GRM4: variants seen among roughly 807,000 people sequenced by gnomAD.
GRM4 encodes the protein metabotropic glutamate receptor 4.
GRM4 carries 28 observed loss-of-function variants against 81.7 expected under a neutral mutation model. The ratio of observed to expected loss-of-function variants is 0.34; its 90% confidence interval spans 0.25 to 0.47. The LOEUF (loss-of-function observed/expected upper bound fraction) is 0.47, where lower values mean the gene tolerates loss of function less well. GRM4 is among the 20% of genes least tolerant of loss of function. GRM4 has a pLI of 1.00. For missense variants in GRM4, 948 were observed against 1,290.0 expected, an observed-to-expected ratio of 0.73 and a Z score of 4.06; for synonymous variants, 488 against 528.8, an observed-to-expected ratio of 0.92 and a Z score of 1.06.
At chr6:34,031,502 G>A (rs2127439006) in intron 9 of GRM4, among the ~76,000 whole-genome samples, 1 of 152,306 alleles carries the variant, frequency 6.6e-6, no homozygotes, top group East Asian at 1.9e-4. Flanking sequence ...AGGGGCCCCA[G>A]TGGGGGCACC....
At chr6:34,077,347 AGCGTCCCTGGG>A (rs1178488640) in intron 3 of GRM4, among the ~76,000 whole-genome samples, 4 of 152,100 alleles carry the variant, frequency 2.6e-5, no homozygotes, top group African/African-American at 9.7e-5. Context: ...CAGATAGCTC[AGCGTCCCTGGG>A]GCAGGTCCAG....
chr6:34,052,744 C>T (rs1581622372), intron 6 of GRM4, among the ~76,000 whole-genome samples: 1 of 152,212 alleles, frequency 6.6e-6, no homozygotes, highest in East Asian at 1.9e-4. Context: ...GAGAGAGGGG[C>T]CCTGGAGGAG....
chr6:34,120,979 T>A (rs1298007694), intron 2 of GRM4, among the ~76,000 whole-genome samples: 3 of 152,224 alleles, frequency 2.0e-5, no homozygotes, highest in African/African-American at 7.2e-5. Flanking sequence ...GGCTAATTCA[T>A]TATATTATCC....
chr6:34,049,450 G>C (rs897960253), intron 6 of GRM4, among the ~76,000 whole-genome samples: 1 of 151,896 alleles, frequency 6.6e-6, no homozygotes, highest in Non-Finnish European at 1.5e-5. Flanking sequence ...GGGCTCACTG[G>C]GACCTCTTCT....
At position 34,092,424 on chromosome 6, in the gene GRM4, C is replaced by G. The variant is rs917950192; in HGVS notation, c.520-325G>C. 6.6e-6 allele frequency among the ~76,000 whole-genome samples: 1 copy of G among 152,144 alleles called. No individual in the cohort carries two copies. On this transcript the variant is annotated intron_variant, in intron 2 of 10. Transcript: ENST00000538487. The surrounding 1 kb of genome is among the most constrained non-coding windows in gnomAD (Gnocchi z 6.8). ...CCAGCCCAGGGAAAATCCCCACATA[C>G]GTGAGATGATTCAGCCTGGGGATGG... is the stretch of plus-strand genomic sequence containing the variant.
intron 2 of GRM4, among the ~76,000 whole-genome samples, chr6:34,099,830 G>A (rs1002435041): frequency 2.6e-5 from 4 of 152,124 alleles, no homozygotes; most frequent in East Asian, 1.9e-4. Flanking sequence ...GCCCCAGATC[G>A]GGAGACTGTC....
At chr6:34,146,466 G>A (rs2127520277), upstream of GRM4, among the ~76,000 whole-genome samples, 1 of 152,252 alleles carries the variant, frequency 6.6e-6, no homozygotes, top group African/African-American at 2.4e-5. Context: ...AAGCCAGCTC[G>A]CCCCCTTCCC....
upstream of GRM4, among the ~76,000 whole-genome samples, chr6:34,150,519 G>A (rs902288079): frequency 2.0e-5 from 3 of 152,006 alleles, no homozygotes; most frequent in Non-Finnish European, 1.5e-5. Context: ...TGTGAGTGGG[G>A]TGGGTGAAGG....
chr6:34,085,276 C>T (rs1218444868), intron 3 of GRM4, among the ~76,000 whole-genome samples: 2 of 152,206 alleles, frequency 1.3e-5, no homozygotes, highest in Admixed American at 6.5e-5. Context: ...TCCTGTCCCC[C>T]AGGGCAGCAG....
intron 2 of GRM4, among the ~76,000 whole-genome samples, chr6:34,109,678 C>T (rs1212876614): frequency 6.6e-6 from 1 of 152,144 alleles, no homozygotes; most frequent in East Asian, 1.9e-4. Flanking sequence ...CTGTGGAGGG[C>T]AGGATTACCC....
At position 34,080,963 on chromosome 6, in the gene GRM4, C is replaced by T. The variant is rs576994270; in HGVS notation, c.736+10920G>A. 1.1e-4 allele frequency among the ~76,000 whole-genome samples: 16 copies of T among 152,274 alleles called. No individual in the cohort carries two copies. Among genetic ancestry groups the T allele is most frequent in the Admixed American group, 2.6e-4 (4 of 15,300 alleles). On this transcript the variant is annotated intron_variant, in intron 3 of 10. Coordinates refer to ENST00000538487, the MANE Select transcript of GRM4 (RefSeq NM_000841.4). This position sits in a 1 kb window ranked among gnomAD's most constrained non-coding sequence, Gnocchi z 5.4. Reference sequence around the variant, plus strand: ...CCAGGGACCCTTTGAGATTACCCTGCCCCCATCCCTACCTCTTTCCTCCCT... The same window carrying T: ...CCAGGGACCCTTTGAGATTACCCTGTCCCCATCCCTACCTCTTTCCTCCCT...
rs774940943 is a variant in GRM4 at position 34,078,660 on chromosome 6, G to A, written c.736+13223C>T. ...CAGGGCCTCCACTGTCCCCTGTCCCGCACCCCTCCGCAGCCCCTACTGCGT... is the reference window on the plus strand; with the variant it reads ...CAGGGCCTCCACTGTCCCCTGTCCCACACCCCTCCGCAGCCCCTACTGCGT... On this transcript the variant is annotated intron_variant, in intron 3 of 10. Coordinates refer to ENST00000538487, the MANE Select transcript of GRM4 (RefSeq NM_000841.4). The surrounding 1 kb of genome is among the most constrained non-coding windows in gnomAD (Gnocchi z 4.8). Among the ~76,000 whole-genome samples, 15 of 151,916 alleles carry A rather than the reference G, an allele frequency of 9.9e-5. No homozygotes were observed. The highest frequency in any genetic ancestry group is 2.7e-4 in the African/African-American group (11 of 41,344).
chr6:34,109,834 T>C (rs1769291819), intron 2 of GRM4, among the ~76,000 whole-genome samples: 1 of 152,098 alleles, frequency 6.6e-6, no homozygotes, highest in African/African-American at 2.4e-5. Context: ...TCCCTGTCAC[T>C]GTCATGTGGT....
At chr6:34,039,744 G>A (rs1478812753) in intron 8 of GRM4, among the ~76,000 whole-genome samples, 3 of 152,098 alleles carry the variant, frequency 2.0e-5, no homozygotes, top group Non-Finnish European at 4.4e-5. Flanking sequence ...GTTCAACCTG[G>A]GTCCTTTGCC....
At chr6:34,101,803 C>A (rs1768854136) in intron 2 of GRM4, among the ~76,000 whole-genome samples, 1 of 152,242 alleles carries the variant, frequency 6.6e-6, no homozygotes, top group Non-Finnish European at 1.5e-5. Flanking sequence ...AACCTGTCTC[C>A]CAGACGAGAT....
chr6:34,091,044 C>T (rs1042277369), intron 3 of GRM4, among the ~76,000 whole-genome samples: 13 of 152,154 alleles, frequency 8.5e-5, no homozygotes, highest in Admixed American at 2.6e-4. Flanking sequence ...CCTCTTGGCT[C>T]ACCCCAGCCC....
chr6:34,122,335 TAGAC>T (rs900632272), intron 2 of GRM4, among the ~76,000 whole-genome samples: 27 of 151,944 alleles, frequency 1.8e-4, no homozygotes, highest in Admixed American at 2.6e-4. Context: ...AAGCTGGGGA[TAGAC>T]AGACAGGGAA....
In GRM4 at chr6:34,104,222, C is replaced by T. The variant is rs117776258; in HGVS notation, c.520-12123G>A. Among the ~76,000 whole-genome samples the T allele has an allele frequency of 7.3e-3, 1,109 of 152,350 alleles. 41 individuals carry two copies. In the East Asian group the frequency reaches 0.076, roughly 10 times the overall value. On this transcript the variant is annotated intron_variant, in intron 2 of 10. Transcript: ENST00000538487. ...AGCTGGGGGCAGCCCAGGGAGGCTG[C>T]GGGACCCAAAGGGGCGAGGCTGAGG...
At position 34,093,425 on chromosome 6, in the gene GRM4, T is replaced by G. The variant is rs145979981; in HGVS notation, c.520-1326A>C. ...AAGACTTTATTGAGCACCTATGATGTCCTAAGTGCTGAGGACAGCAGTGAA... is the reference window on the plus strand; with the variant it reads ...AAGACTTTATTGAGCACCTATGATGGCCTAAGTGCTGAGGACAGCAGTGAA... On this transcript the variant is annotated intron_variant, in intron 2 of 10. Transcript: ENST00000538487. Among the ~76,000 whole-genome samples the G allele has an allele frequency of 1.9e-3, 292 of 152,330 alleles. 3 individuals carry two copies. Among genetic ancestry groups the G allele is most frequent in the African/African-American group, 6.3e-3 (262 of 41,570 alleles).
Sources: gnomAD v4.1 joint callset for allele counts (sites outside exome capture counted in the v4.1 genomes callset) on GRCh38, gnomAD v4.1.1 for gene constraint, Gnocchi (gnomAD v3.1) non-coding constraint, MANE v1.5 for transcripts, NCBI Gene and HGNC (gene_info 2026-07-23, HGNC 2026-07-21) for gene names.